Variants in MAPK10 observed in about 807,000 individuals in gnomAD.
MAPK10 encodes JNK3 alpha protein kinase.
MAPK10 carries 25 observed loss-of-function variants against 59.3 expected under a neutral mutation model. The ratio of observed to expected loss-of-function variants is 0.42; its 90% CI spans 0.31 to 0.59. The LOEUF is 0.59. Among genes scored for constraint, MAPK10 ranks in the 20% least tolerant of loss-of-function variants. The pLI, the probability that MAPK10 is intolerant of heterozygous loss-of-function variation, is 0.15. For missense variants in MAPK10, 351 were observed against 568.9 expected (o/e 0.62, Z 3.90); for synonymous variants, 190 against 200.5 (o/e 0.95, Z 0.44).
At chr4:86,380,382 T>C (rs1740513248) in intron 1 of MAPK10, among the ~76,000 whole-genome samples, 1 of 152,202 alleles carries the variant, frequency 6.6e-6, no homozygotes, top group Non-Finnish European at 1.5e-5. Context: ...AGATACAGTT[T>C]CACAATTATT....
intron 2 of MAPK10, among the ~76,000 whole-genome samples, chr4:86,300,340 T>G (rs1242159353): frequency 6.6e-6 from 1 of 152,224 alleles, no homozygotes; most frequent in African/African-American, 2.4e-5. Flanking sequence ...TAGAAAAGCC[T>G]GACTATCCAA....
intron 2 of MAPK10, among the ~76,000 whole-genome samples, chr4:86,328,146 A>C (rs942122433): frequency 6.6e-6 from 1 of 152,132 alleles, no homozygotes; most frequent in Non-Finnish European, 1.5e-5. Context: ...TTCCTTTAAC[A>C]AATTTACAAG....
intron 1 of MAPK10, among the ~76,000 whole-genome samples, chr4:86,415,829 A>C (rs2149030029): frequency 6.6e-6 from 1 of 152,350 alleles, no homozygotes; most frequent in African/African-American, 2.4e-5. Flanking sequence ...ATAGTTATAG[A>C]GTAGAATGGA....
intron 2 of MAPK10, among the ~76,000 whole-genome samples, chr4:86,223,576 G>T (rs960355067): frequency 2.6e-5 from 4 of 152,122 alleles, no homozygotes; most frequent in Non-Finnish European, 4.4e-5. Flanking sequence ...TTCCACTGAG[G>T]CCTCCTTGCT....
chr4:86,217,718 A>AT (rs2088139264), intron 2 of MAPK10, among the ~76,000 whole-genome samples: 1 of 152,104 alleles, frequency 6.6e-6, no homozygotes, highest in Admixed American at 6.6e-5. Context: ...AAAAGATGGT[A>AT]TTTTTTTCCT....
chr4:86,168,115 C>T (rs2072514330), intron 3 of MAPK10, among the ~76,000 whole-genome samples: 1 of 152,202 alleles, frequency 6.6e-6, no homozygotes, highest in Admixed American at 6.5e-5. Flanking sequence ...CTCCAGTCTA[C>T]AGCTCCCAGT....
chr4:86,145,287 G>A lies in MAPK10; in HGVS notation c.236+14011C>T, dbSNP rs1284062506. 1.2e-4 allele frequency among the ~76,000 whole-genome samples: 11 copies of A among 91,814 alleles called. 1 individual carries two copies. The East Asian group carries it at 1.9e-3, about 16-fold the overall frequency. 60.2% of individuals were successfully genotyped at this position (91,814 alleles called of 152,430 possible). A position where few individuals can be genotyped will look rare whatever the true frequency, so the allele number is the denominator to read the frequency against. The stretch of plus-strand genomic sequence containing the variant: ...TGAGGCAGGAGAATGGCGTGAACCC[G>A]GGAGGCGGAGCTTGCAGTGAGCCGA... On this transcript the variant is annotated intron_variant, in intron 4 of 13. Coordinates refer to ENST00000641462, the MANE Select transcript of MAPK10 (RefSeq NM_138982.4).
intron 2 of MAPK10, among the ~76,000 whole-genome samples, chr4:86,204,309 A>C (rs1478331258): frequency 6.6e-6 from 1 of 152,026 alleles, no homozygotes; most frequent in Non-Finnish European, 1.5e-5. Flanking sequence ...ATTTCTCATA[A>C]ATAATATCTC....
chr4:86,575,999 G>A (rs564830742), intron 1 of MAPK10, among the ~76,000 whole-genome samples: 1 of 65,068 alleles, frequency 1.5e-5, no homozygotes, highest in Non-Finnish European at 3.7e-5. Flanking sequence ...GTGTGTATGC[G>A]TGTGTGTGTG....
chr4:86,248,380 A>T (rs1404141685), intron 2 of MAPK10, among the ~76,000 whole-genome samples: 1 of 152,226 alleles, frequency 6.6e-6, no homozygotes, highest in Admixed American at 6.5e-5. Flanking sequence ...AACAGTCAAG[A>T]AAACTTATCA....
At chr4:86,453,899 A>C (rs905997066), upstream of MAPK10, among the ~76,000 whole-genome samples, 5 of 152,278 alleles carry the variant, frequency 3.3e-5, no homozygotes, top group African/African-American at 1.2e-4. Context: ...AAGTACTGGT[A>C]TCCACAGCTA....
intron 1 of MAPK10, among the ~76,000 whole-genome samples, chr4:86,517,088 C>A (rs1201605099): frequency 6.6e-6 from 1 of 151,952 alleles, no homozygotes; most frequent in Non-Finnish European, 1.5e-5. Flanking sequence ...TATGTCCCTT[C>A]TTTGCTGATT....
chr4:86,243,706 T>A (rs2092897781), intron 2 of MAPK10, among the ~76,000 whole-genome samples: 1 of 152,144 alleles, frequency 6.6e-6, no homozygotes, highest in African/African-American at 2.4e-5. Context: ...TCCTTGACCA[T>A]CCTATTTAAA....
intron 1 of MAPK10, among the ~76,000 whole-genome samples, chr4:86,531,794 A>G (rs1757869881): frequency 6.6e-6 from 1 of 152,148 alleles, no homozygotes; most frequent in African/African-American, 2.4e-5. Context: ...AAGGCTGGAC[A>G]TTAGGCCAGG....
chr4:86,443,850 G>A (rs1362343664), intron 1 of MAPK10, among the ~76,000 whole-genome samples: 1 of 151,978 alleles, frequency 6.6e-6, no homozygotes, highest in East Asian at 1.9e-4. Context: ...ACTTGCTAAG[G>A]GCACAAACGG....
intron 1 of MAPK10, among the ~76,000 whole-genome samples, chr4:86,558,515 G>A (rs1760436675): frequency 6.6e-6 from 1 of 152,142 alleles, no homozygotes; most frequent in South Asian, 2.1e-4. Context: ...GAATAAATCA[G>A]AGACACATTT....
chr4:86,116,698 T>C (rs1207142446), intron 4 of MAPK10, among the ~76,000 whole-genome samples: 1 of 152,220 alleles, frequency 6.6e-6, no homozygotes, highest in East Asian at 1.9e-4. Flanking sequence ...CAATTTTAGG[T>C]ATGAATGTCA....
intron 11 of MAPK10, among the ~76,000 whole-genome samples, chr4:86,063,551 C>G (rs1270775814): frequency 6.6e-6 from 1 of 152,044 alleles, no homozygotes; most frequent in Admixed American, 6.6e-5. Flanking sequence ...ACATGGGCAA[C>G]AGCAAGCCCC....
chr4:86,099,535 G>C (rs1219578419), intron 8 of MAPK10: 2 of 152,248 alleles, frequency 1.3e-5, no homozygotes, highest in African/African-American at 2.4e-5. Context: ...GTGGGAGCAA[G>C]CAGGTTTTTC....
Sources: allele counts gnomAD v4.1 joint callset (sites outside exome capture counted in the v4.1 genomes callset), GRCh38; gene constraint gnomAD v4.1.1; transcripts MANE v1.5; gene names NCBI Gene and HGNC (gene_info 2026-07-23, HGNC 2026-07-21).